Variants in LRRC42 observed in about 807,000 individuals in gnomAD.
LRRC42 encodes the protein leucine rich repeat containing 42.
LRRC42 carries 43 observed loss-of-function variants against 44.3 expected under a neutral mutation model. That is an observed-to-expected ratio of 0.97 (90% CI 0.76 to 1.25). The LOEUF is 1.25. LRRC42 is among the 50% of genes most tolerant of loss of function. The pLI, the probability that LRRC42 is intolerant of heterozygous loss-of-function variation, is 0.00. For missense variants in LRRC42, 540 were observed against 509.1 expected, an observed-to-expected ratio of 1.06 and a Z score of -0.58; for synonymous variants, 207 against 195.2, an observed-to-expected ratio of 1.06 and a Z score of -0.50.
chr1:53,946,695 T>C (rs1283087353), intron 1 of LRRC42, 146 bp downstream of exon 1: 1 of 104,720 alleles, frequency 9.5e-6, no homozygotes, highest in Non-Finnish European at 2.0e-5. Flanking sequence ...TGAGGTATAC[T>C]GGTGGGGGCG....
rs565516068 is a variant in LRRC42 at position 53,952,549 on chromosome 1, A to G, written c.473+77A>G. Reference sequence around the variant, plus strand: ...TCAAGCTCTGGGGCTTAGTGGGCTCAGGGGCTTCCCTCATCAAATAGCACT... The same window carrying G: ...TCAAGCTCTGGGGCTTAGTGGGCTCGGGGGCTTCCCTCATCAAATAGCACT... On this transcript the variant is annotated intron_variant, in intron 3 of 8. Transcript: ENST00000371370. The G allele has an allele frequency of 7.3e-6, 9 of 1,233,896 alleles. No individual in the cohort carries two copies. In the Middle Eastern group the frequency reaches 5.9e-4, roughly 81 times the overall value. The allele number at this position is 1,233,896 out of a possible 1,614,324, so 76.4% of individuals were successfully genotyped here.
rs201277575 is a variant in LRRC42 at position 53,962,042 on chromosome 1, G to A, written c.733G>A (p.Glu245Lys). The change falls in exon 6 of 9, where the codon GAG becomes AAG. Residue 245 changes from glutamate (E) to lysine (K), a missense_variant. Transcript: ENST00000371370. ...LTLLDLSCNP[E>K]ITDAGIGYLF... ...TTGTTTTTGACATCTAGGTAACCCT[G>A]AGATCACAGATGCAGGCATTGGATA... is the stretch of plus-strand genomic sequence containing the variant. The A allele has an allele frequency of 5.5e-5, 89 of 1,611,946 alleles. No homozygotes were observed. Among genetic ancestry groups the A allele is most frequent in the Middle Eastern group, 1.7e-4 (1 of 6,056 alleles).
chr1:53,966,016 G>A (rs113916284), intron 7 of LRRC42, among the ~76,000 whole-genome samples: 2,621 of 152,238 alleles, frequency 0.017, 78 homozygotes, highest in African/African-American at 0.06. Flanking sequence ...TTTATTTCCA[G>A]CTTGGAATAA....
chr1:53,947,066 G>A (rs1654507382), intron 1 of LRRC42, among the ~76,000 whole-genome samples: 1 of 151,498 alleles, frequency 6.6e-6, no homozygotes, highest in East Asian at 2.0e-4. Context: ...GAAGCCCCTA[G>A]AGTGGGAAGA....
At chr1:53,964,701 C>A (rs1655080713) in intron 7 of LRRC42, among the ~76,000 whole-genome samples, 1 of 152,154 alleles carries the variant, frequency 6.6e-6, no homozygotes, top group Non-Finnish European at 1.5e-5. Context: ...GTGCTAAACT[C>A]TTTATGTGTA....
Position 53,962,767 on chromosome 1 carries a change from G to A in LRRC42, c.927+358G>A, listed in dbSNP as rs144455779. 5.8e-3 allele frequency among the ~76,000 whole-genome samples: 876 copies of A among 152,322 alleles called. 2 individuals are homozygous for A. The highest frequency in any genetic ancestry group is 0.014 in the Middle Eastern group (4 of 294). ...CTCTTAGTAGTGTGTATATACAGGA[G>A]AGAGAATAAACTCCGGTGTCATGCA... is the stretch of plus-strand genomic sequence containing the variant. On this transcript the variant is annotated intron_variant, in intron 7 of 8. Coordinates refer to ENST00000371370, the MANE Select transcript of LRRC42 (RefSeq NM_001256409.2).
intron 7 of LRRC42, among the ~76,000 whole-genome samples, chr1:53,963,984 A>C (rs1056449693): frequency 9.2e-6 from 1 of 108,464 alleles, no homozygotes; most frequent in African/African-American, 3.7e-5. Context: ...TTTGTTGGCT[A>C]TCTGCTTTCT....
At position 53,962,116 on chromosome 1, in the gene LRRC42, G is replaced by T. The variant is rs1655011110; in HGVS notation, c.807G>T (p.Gly269=). The part of the protein sequence containing the change: ...KLNCLDISGT[G]LKDIKTVKHK... ...ACTGCTTAGATATCTCTGGGACAGGGCTCAAGGTAAGACTTTTGGTTCCTT... is the reference window on the plus strand; with the variant it reads ...ACTGCTTAGATATCTCTGGGACAGGTCTCAAGGTAAGACTTTTGGTTCCTT... Residue 269 remains glycine, a synonymous_variant, in exon 6 of 9, where the codon GGG becomes GGT. Coordinates refer to ENST00000371370, the MANE Select transcript of LRRC42 (RefSeq NM_001256409.2). 6.2e-7 allele frequency: 1 copy of T among 1,612,334 alleles called. No individual in the cohort carries two copies. Among genetic ancestry groups the T allele is most frequent in the Non-Finnish European group, 8.5e-7 (1 of 1,178,714 alleles).
In LRRC42 at chr1:53,962,015, C is replaced by A; in HGVS notation, c.725-19C>A. The A allele has an allele frequency of 1.3e-6, 2 of 1,559,848 alleles. No homozygotes were observed. Among genetic ancestry groups the A allele is most frequent in the Non-Finnish European group, 1.8e-6 (2 of 1,136,360 alleles). On this transcript the variant is annotated intron_variant, in intron 5 of 8. Coordinates refer to ENST00000371370, the MANE Select transcript of LRRC42 (RefSeq NM_001256409.2). ...GCATTTATATTGTGACAGAATGCTA[C>A]GTTGTTTTTGACATCTAGGTAACCC...
chr1:53,952,340 T>C lies in LRRC42; in HGVS notation c.341T>C (p.Ile114Thr), dbSNP rs200791166. ...IDSLIGFPEQ[I>T]AEKLFSAAEA... is the part of the protein sequence containing the mutation. ...TCCCTTATTGGCTTTCCTGAGCAGA[T>C]TGCTGAAAAGCTGTTCTCTGCTGCT... Residue 114 changes from isoleucine (I) to threonine (T), a missense_variant, in exon 3 of 9, where the codon ATT (isoleucine) becomes ACT (threonine). Physicochemically the swap from Ile to Thr is moderately conservative, Grantham distance 89. Transcript: ENST00000371370. 1.1e-5 allele frequency: 18 copies of C among 1,614,214 alleles called. No individual in the cohort carries two copies. The East Asian group carries it at 3.6e-4, about 32-fold the overall frequency.
rs774833284 is a variant in LRRC42, at chr1:53,952,224, A to G, written c.225A>G (p.Thr75=). 3 of 1,614,232 alleles carry G rather than the reference A, an allele frequency of 1.9e-6. No individual in the cohort carries two copies. The highest frequency in any genetic ancestry group is 2.5e-6 in the Non-Finnish European group (3 of 1,180,034). The change falls in exon 3 of 9, where the codon ACA becomes ACG. Residue 75 remains threonine, a synonymous_variant. Transcript: ENST00000371370. ...RKEKTDHFIF[T]YTREGNLRYS... ...AGAAGACTGATCATTTCATCTTCAC[A>G]TACACCCGAGAGGGGAATCTTCGGT... is the stretch of plus-strand genomic sequence containing the variant.
intron 3 of LRRC42, 35 bp downstream of exon 3, chr1:53,952,507 TG>T: frequency 6.5e-7 from 1 of 1,532,620 alleles, no homozygotes; most frequent in Non-Finnish European, 8.8e-7. Flanking sequence ...GGTATTTTAT[TG>T]GGTGTGTTAA....
At chr1:53,955,721 C>T (rs186175442) in intron 3 of LRRC42, among the ~76,000 whole-genome samples, 64 of 151,734 alleles carry the variant, frequency 4.2e-4, no homozygotes, top group African/African-American at 1.4e-3. Flanking sequence ...CTCCACCTCC[C>T]GGGTTCACGC....
rs1487737229 is a variant in LRRC42 at position 53,958,134 on chromosome 1, C to G, written c.474-15C>G. ...TAGTGAGGGGAAGCTATTGATTGCT[C>G]TCCACGCTCCGTAGGTATCTCGTGA... On this transcript the variant is annotated splice_polypyrimidine_tract_variant and intron_variant, in intron 3 of 8. Coordinates refer to ENST00000371370, the MANE Select transcript of LRRC42 (RefSeq NM_001256409.2). 2 of 1,613,000 alleles carry G rather than the reference C, an allele frequency of 1.2e-6. No homozygotes were observed. The highest frequency in any genetic ancestry group is 2.2e-5 in the East Asian group (1 of 44,846).
At chr1:53,962,567 C>T (rs1655027191) in intron 7 of LRRC42, among the ~76,000 whole-genome samples, 158 bp downstream of exon 7, 1 of 152,080 alleles carries the variant, frequency 6.6e-6, no homozygotes, top group Admixed American at 6.5e-5. Flanking sequence ...TATAACTGGC[C>T]CACGTGCTTA....
At chr1:53,955,920 G>A (rs1459025492) in intron 3 of LRRC42, among the ~76,000 whole-genome samples, 3 of 152,162 alleles carry the variant, frequency 2.0e-5, no homozygotes, top group African/African-American at 7.2e-5. Context: ...GAGCCACCGC[G>A]CCCGGCCAAC....
chr1:53,946,937 A>G (rs1163658690), intron 1 of LRRC42, among the ~76,000 whole-genome samples: 2 of 150,200 alleles, frequency 1.3e-5, no homozygotes, highest in Non-Finnish European at 3.0e-5. Context: ...GGGGCAGGGA[A>G]GAAAAGTTGG....
intron 4 of LRRC42, 71 bp from the exon 5 acceptor site, chr1:53,960,285 A>G: frequency 2.0e-6 from 2 of 1,004,604 alleles, no homozygotes; most frequent in Non-Finnish European, 3.0e-6. Flanking sequence ...AAAATGTTGA[A>G]AGCATGTTTT....
At chr1:53,959,695 C>T (rs1334151868) in intron 4 of LRRC42, among the ~76,000 whole-genome samples, 1 of 152,156 alleles carries the variant, frequency 6.6e-6, no homozygotes, top group Non-Finnish European at 1.5e-5. Flanking sequence ...AAAAATAATT[C>T]TCATAGGAGT....
Sources: allele counts gnomAD v4.1 joint callset (sites outside exome capture counted in the v4.1 genomes callset), GRCh38; gene constraint gnomAD v4.1.1; transcripts MANE v1.5; gene names NCBI Gene and HGNC (gene_info 2026-07-23, HGNC 2026-07-21).